The following KSR2 variants were observed in gnomAD, a reference collection of about 807,000 sequenced individuals.
The protein encoded by KSR2 is kinase suppressor of ras 2.
A neutral mutation model predicts 107.8 loss-of-function variants in KSR2; 25 were observed. That is an observed-to-expected ratio of 0.23 (90% CI 0.17 to 0.32). The LOEUF (loss-of-function observed/expected upper bound fraction) is 0.32, where lower values mean the gene tolerates loss of function less well. Ranked by LOEUF, KSR2 falls within the 10% of genes least tolerant of loss-of-function variation. KSR2 has a pLI of 1.00. For missense variants in KSR2, 887 were observed against 1,268.9 expected, an observed-to-expected ratio of 0.70 and a Z score of 4.57; for synonymous variants, 480 against 507.0, an observed-to-expected ratio of 0.95 and a Z score of 0.71.
At chr12:117,477,263 G>A (rs1048110719) in intron 16 of KSR2, among the ~76,000 whole-genome samples, 4 of 152,224 alleles carry the variant, frequency 2.6e-5, no homozygotes, top group Non-Finnish European at 4.4e-5. Flanking sequence ...GGAAACATGT[G>A]CATTGGGTAA....
At chr12:117,950,768 A>AATAATG (rs1896340838) in intron 1 of KSR2, among the ~76,000 whole-genome samples, 3 of 148,610 alleles carry the variant, frequency 2.0e-5, no homozygotes, top group African/African-American at 4.9e-5. Flanking sequence ...TAATAATAAT[A>AATAATG]ATGATAATAA....
Position 117,752,457 on chromosome 12 carries a change from T to C in KSR2, c.986+8554A>G, listed in dbSNP as rs538689187. On this transcript the variant is annotated intron_variant, in intron 4 of 19. Coordinates refer to ENST00000339824, the MANE Select transcript of KSR2 (RefSeq NM_173598.6). ...AAGGCAAGTCACATTAATAAAAGCA[T>C]ATAGTGTGGTTCCAATAATGAAGAA... 3.2e-4 allele frequency among the ~76,000 whole-genome samples: 49 copies of C among 152,316 alleles called. 1 individual carries two copies. The South Asian group carries it at 7.7e-3, about 24-fold the overall frequency.
intron 3 of KSR2, among the ~76,000 whole-genome samples, chr12:117,839,873 T>TCA (rs1892391466): frequency 6.6e-6 from 1 of 152,136 alleles, no homozygotes; most frequent in African/African-American, 2.4e-5. Context: ...GAAGAAAGTA[T>TCA]CACAGTACAG....
chr12:117,749,972 G>A (rs1888553588), intron 4 of KSR2, among the ~76,000 whole-genome samples: 1 of 152,146 alleles, frequency 6.6e-6, no homozygotes, highest in Non-Finnish European at 1.5e-5. Flanking sequence ...TTCTGGCTGG[G>A]CGCAATGGCT....
rs73399582 is a variant in KSR2, at chr12:117,470,687, T to A, written c.2712+504A>T. Among the ~76,000 whole-genome samples the A allele has an allele frequency of 9.9e-3, 1,509 of 152,288 alleles. 28 individuals carry two copies. The highest frequency in any genetic ancestry group is 0.034 in the African/African-American group (1,416 of 41,560). ...TAATCTTTAGAAACATACCACATCA[T>A]TACTCCTTCTCTGACTTATGTGTCT... On this transcript the variant is annotated intron_variant, in intron 18 of 19. Coordinates refer to ENST00000339824, the MANE Select transcript of KSR2 (RefSeq NM_173598.6).
intron 1 of KSR2, among the ~76,000 whole-genome samples, chr12:117,952,888 G>C (rs527593276): frequency 4.6e-5 from 7 of 151,644 alleles, no homozygotes; most frequent in African/African-American, 1.7e-4. Flanking sequence ...AGGAGGCTGA[G>C]GCAGGAGAAT....
chr12:117,772,740 C>A (rs886390221), intron 3 of KSR2, among the ~76,000 whole-genome samples: 7 of 151,962 alleles, frequency 4.6e-5, no homozygotes, highest in Non-Finnish European at 1.0e-4. Flanking sequence ...ACACACCATT[C>A]CACCAAAGAC....
At chr12:117,948,339 A>G (rs1896260931) in intron 1 of KSR2, among the ~76,000 whole-genome samples, 1 of 151,888 alleles carries the variant, frequency 6.6e-6, no homozygotes, top group Non-Finnish European at 1.5e-5. Flanking sequence ...AATACAAAAA[A>G]ATTAGCTGGG....
At chr12:117,812,412 T>A (rs1891218285) in intron 3 of KSR2, among the ~76,000 whole-genome samples, 1 of 152,230 alleles carries the variant, frequency 6.6e-6, no homozygotes, top group African/African-American at 2.4e-5. Flanking sequence ...AGAAAAATGT[T>A]AAACTATTTG....
intron 13 of KSR2, among the ~76,000 whole-genome samples, chr12:117,525,542 C>G (rs1422363369): frequency 6.6e-6 from 1 of 152,140 alleles, no homozygotes; most frequent in African/African-American, 2.4e-5. Flanking sequence ...CCGAAAGTCC[C>G]ATATGTTGCC....
chr12:117,645,928 A>G lies in KSR2; in HGVS notation c.1171+21546T>C, dbSNP rs149267340. 4.6e-3 allele frequency among the ~76,000 whole-genome samples: 664 copies of G among 144,732 alleles called. 4 individuals are homozygous for G. Among genetic ancestry groups the G allele is most frequent in the African/African-American group, 0.015 (596 of 38,912 alleles). The allele number at this position is 144,732 out of a possible 152,430, so 94.9% of individuals were successfully genotyped here. On this transcript the variant is annotated intron_variant, in intron 5 of 19. Transcript: ENST00000339824. ...GTGTGTGTGTGTACAGCTGTCCTTC[A>G]GTATCCATAGGGGGTTGGTTCCAGG...
At chr12:117,855,035 C>G (rs765197004) in intron 3 of KSR2, among the ~76,000 whole-genome samples, 2 of 146,638 alleles carry the variant, frequency 1.4e-5, no homozygotes, top group African/African-American at 5.0e-5. Flanking sequence ...GTTTATGTTA[C>G]AATTAATGCA....
In KSR2 at chr12:117,555,230, G is replaced by C. The variant is rs1435409511; in HGVS notation, c.1457C>G (p.Pro486Arg). Residue 486 changes from proline (P) to arginine (R), a missense_variant, in exon 9 of 20, where the codon CCA becomes CGA. Transcript: ENST00000339824. The stretch of plus-strand genomic sequence containing the variant: ...GATGTGCAGGTCTGAATAGCGAGGT[G>C]GCTTCCGTAGAGGGTTGTTGATGTC... ...PCDINNPLRK[P>R]PRYSDLHISQ... 5 of 1,613,836 alleles carry C rather than the reference G, an allele frequency of 3.1e-6. No individual in the cohort carries two copies. Among genetic ancestry groups the C allele is most frequent in the South Asian group, 1.1e-5 (1 of 91,062 alleles).
chr12:117,468,185 T>C (rs1330390192), intron 19 of KSR2, among the ~76,000 whole-genome samples: 1 of 152,222 alleles, frequency 6.6e-6, no homozygotes, highest in Non-Finnish European at 1.5e-5. Flanking sequence ...GGTCTCCCTC[T>C]TGGCAGATGA....
At chr12:117,537,729 G>A (rs990743021) in intron 10 of KSR2, among the ~76,000 whole-genome samples, 2 of 152,208 alleles carry the variant, frequency 1.3e-5, no homozygotes, top group Non-Finnish European at 2.9e-5. Flanking sequence ...AGAGGGCCAG[G>A]ACCTTGTCAT....
chr12:117,493,350 G>A (rs1872846812), intron 14 of KSR2, among the ~76,000 whole-genome samples: 1 of 152,062 alleles, frequency 6.6e-6, no homozygotes, highest in Admixed American at 6.5e-5. Flanking sequence ...AGCACTCTCT[G>A]GATAGAGAGT....
In KSR2 at chr12:117,456,381, A is replaced by T. The variant is rs1406763233; in HGVS notation, c.*10818T>A. On this transcript the variant is annotated 3_prime_UTR_variant, in exon 20 of 20. Transcript: ENST00000339824. The stretch of plus-strand genomic sequence containing the variant: ...ACCTTGATGCCCATGCTGTAGCTAC[A>T]TAGCAGTTACTTGAACTTACACAAG... 6.6e-6 allele frequency: 1 copy of T among 152,212 alleles called. No homozygotes were observed. Among genetic ancestry groups the T allele is most frequent in the Non-Finnish European group, 1.5e-5 (1 of 68,038 alleles). 9.4% of individuals were successfully genotyped at this position (152,212 alleles called of 1,614,324 possible).
chr12:117,852,530 C>T (rs939566747), intron 3 of KSR2, among the ~76,000 whole-genome samples: 12 of 152,088 alleles, frequency 7.9e-5, no homozygotes, highest in Non-Finnish European at 1.5e-4. Flanking sequence ...CCCATGGTCT[C>T]GCACAGCCTA....
At chr12:117,552,851 G>A (rs1039626722) in intron 9 of KSR2, among the ~76,000 whole-genome samples, 1 of 152,200 alleles carries the variant, frequency 6.6e-6, no homozygotes. Context: ...TTTGGCCTGT[G>A]GGCCATAGTT....
Sources: gnomAD v4.1 joint callset for allele counts (sites outside exome capture counted in the v4.1 genomes callset) on GRCh38, gnomAD v4.1.1 for gene constraint, MANE v1.5 for transcripts, NCBI Gene and HGNC (gene_info 2026-07-23, HGNC 2026-07-21) for gene names.